The following RMP64 variants were observed in gnomAD, a reference collection of about 807,000 sequenced individuals.
RMP64 encodes the protein ribonuclease MRP subunit p64.
At chr3:113,017,761 A>C in the RMP64 span, among the ~76,000 whole-genome samples, 1 of 152,360 alleles carries the variant, frequency 6.6e-6, no homozygotes, top group Admixed American at 6.5e-5. Context: ...TTCTAAGTAT[A>C]AGAGAAGTTG....
At chr3:113,012,777 T>C in the RMP64 span, 1 of 1,610,036 alleles carries the variant, frequency 6.2e-7, no homozygotes, top group Non-Finnish European at 8.5e-7. Flanking sequence ...TTTAAAATAA[T>C]GAACTCTTGC....
chr3:113,017,470 T>G, the RMP64 span: 1 of 1,613,818 alleles, frequency 6.2e-7, no homozygotes, highest in Non-Finnish European at 8.5e-7. Context: ...CAAATGGGGT[T>G]TGTGGCGGCC....
chr3:113,005,829 G>A, the RMP64 span: 8 of 1,613,916 alleles, frequency 5.0e-6, no homozygotes, highest in Non-Finnish European at 6.8e-6. Context: ...TGAGAGAACT[G>A]CTGAATTTCC....
At chr3:113,009,072 T>A in the RMP64 span, among the ~76,000 whole-genome samples, 1 of 152,196 alleles carries the variant, frequency 6.6e-6, no homozygotes, top group Non-Finnish European at 1.5e-5. Context: ...CCCAGCAGAA[T>A]AAGCCCATTA....
At chr3:113,006,824 G>C in the RMP64 span, among the ~76,000 whole-genome samples, 4 of 152,026 alleles carry the variant, frequency 2.6e-5, no homozygotes, top group Non-Finnish European at 4.4e-5. Flanking sequence ...GAAAACAGAG[G>C]GCCTGAACTG....
chr3:113,006,455 G>C, the RMP64 span, among the ~76,000 whole-genome samples: 1 of 149,992 alleles, frequency 6.7e-6, no homozygotes, highest in Non-Finnish European at 1.5e-5. Context: ...TAAAGGCTAA[G>C]AGGGGTTTAT....
the RMP64 span, chr3:113,013,271 C>G: frequency 6.2e-7 from 1 of 1,612,282 alleles, no homozygotes; most frequent in South Asian, 1.1e-5. Context: ...TTCAAGGATA[C>G]AGAAAAGTTT....
the RMP64 span, among the ~76,000 whole-genome samples, chr3:113,007,084 C>T: frequency 6.6e-6 from 1 of 152,142 alleles, no homozygotes; most frequent in African/African-American, 2.4e-5. Context: ...GTTACCTCTG[C>T]CTCATCTACC....
chr3:113,019,636 C>G, the RMP64 span: 1 of 1,613,292 alleles, frequency 6.2e-7, no homozygotes, highest in South Asian at 1.1e-5. Flanking sequence ...CCGGCGGCAC[C>G]GCAGCCATCA....
At chr3:113,019,421 G>C in the RMP64 span, 1 of 748,252 alleles carries the variant, frequency 1.3e-6, no homozygotes, top group Non-Finnish European at 2.2e-6. Flanking sequence ...CGTGCCCCGC[G>C]CCCCTTCCCA....
the RMP64 span, among the ~76,000 whole-genome samples, chr3:113,011,952 C>G: frequency 1.3e-5 from 2 of 152,128 alleles, no homozygotes; most frequent in Non-Finnish European, 2.9e-5. Flanking sequence ...GATATCAAAG[C>G]AAGGTTTTCA....
chr3:113,011,364 A>G, the RMP64 span: 2 of 1,599,652 alleles, frequency 1.3e-6, no homozygotes, highest in East Asian at 2.2e-5. Flanking sequence ...ACAAAGGCTC[A>G]TATAACAAAA....
the RMP64 span, chr3:113,005,793 T>G: frequency 6.2e-7 from 1 of 1,613,880 alleles, no homozygotes; most frequent in Non-Finnish European, 8.5e-7. Context: ...TTAGCACTGG[T>G]ATCTGTAGCA....
chr3:113,013,513 A>C, the RMP64 span: 1 of 1,044,202 alleles, frequency 9.6e-7, no homozygotes, highest in South Asian at 1.7e-5. Context: ...ATGACAAAGG[A>C]TTGAAACAAA....
the RMP64 span, chr3:113,002,546 G>A: frequency 6.6e-6 from 1 of 152,458 alleles, no homozygotes; most frequent in South Asian, 2.1e-4. Context: ...ATGCCATAGA[G>A]AAAAGGGGGT....
the RMP64 span, chr3:113,012,942 C>G: frequency 1.5e-5 from 10 of 646,046 alleles, no homozygotes; most frequent in East Asian, 2.7e-4. Flanking sequence ...AAAACACATT[C>G]TATTTAAGAA....
chr3:113,019,567 T>G, the RMP64 span: 1 of 1,613,782 alleles, frequency 6.2e-7, no homozygotes, highest in Non-Finnish European at 8.5e-7. Context: ...GGTTCTGCAC[T>G]GTCACTGCGC....
the RMP64 span, chr3:113,013,313 C>T: frequency 1.2e-6 from 2 of 1,614,064 alleles, no homozygotes; most frequent in Non-Finnish European, 1.7e-6. Context: ...GGAGCAACAA[C>T]TTGCAGGCTC....
At chr3:113,010,600 A>G in the RMP64 span, 242 of 1,507,760 alleles carry the variant, frequency 1.6e-4, no homozygotes, top group Non-Finnish European at 2.2e-4. Flanking sequence ...TCCTCTACAA[A>G]TTAGCAGAAA....
Sources: allele counts gnomAD v4.1 joint callset (sites outside exome capture counted in the v4.1 genomes callset), GRCh38; gene constraint gnomAD v4.1.1; transcripts MANE v1.5; gene names NCBI Gene and HGNC (gene_info 2026-07-23, HGNC 2026-07-21).